MDH2: variants seen among roughly 807,000 people sequenced by gnomAD.
The protein encoded by MDH2 is malate dehydrogenase, mitochondrial.
MDH2 carries 25 observed loss-of-function variants against 33.6 expected under a neutral mutation model. That is an observed-to-expected ratio of 0.74 (90% CI 0.54 to 1.04). MDH2 has a LOEUF of 1.04. MDH2 is among the 50% of genes least tolerant of loss of function. The probability of loss-of-function intolerance (pLI) is 0.00; values close to 1 mark genes in which losing one functional copy is unlikely to be tolerated. For synonymous variants in MDH2, 193 were observed against 188.7 expected, an observed-to-expected ratio of 1.02 and a Z score of -0.19; for missense variants, 432 against 445.0, an observed-to-expected ratio of 0.97 and a Z score of 0.26.
At chr7:76,065,800 T>TG (rs1798079607) in intron 8 of MDH2, among the ~76,000 whole-genome samples, 2 of 152,206 alleles carry the variant, frequency 1.3e-5, no homozygotes, top group Non-Finnish European at 2.9e-5. Context: ...GTCAGACATT[T>TG]ACCTACTTAG....
At chr7:76,059,214 G>T (rs1422426432) in intron 4 of MDH2, among the ~76,000 whole-genome samples, 2 of 152,172 alleles carry the variant, frequency 1.3e-5, no homozygotes, top group Non-Finnish European at 1.5e-5. Flanking sequence ...AGAGTGCTGG[G>T]ATTACAGGCA....
chr7:76,058,297 T>C, intron 4 of MDH2: 4 of 546,292 alleles, frequency 7.3e-6, no homozygotes, highest in South Asian at 7.1e-5. Flanking sequence ...ATGAGGGTTG[T>C]CACAGCCAGC....
At chr7:76,064,052 T>C (rs149517434) in intron 6 of MDH2, among the ~76,000 whole-genome samples, 137 of 151,106 alleles carry the variant, frequency 9.1e-4, no homozygotes, top group African/African-American at 3.2e-3. Context: ...AGTAGGGGAC[T>C]CACCACACTT....
intron 8 of MDH2, among the ~76,000 whole-genome samples, chr7:76,065,884 A>C (rs1554587803): frequency 6.6e-6 from 1 of 152,218 alleles, no homozygotes; most frequent in Non-Finnish European, 1.5e-5. Context: ...AAGAACCCAG[A>C]AACAGGCTCT....
chr7:76,055,919 TTGGGTTCAAGTGATTCTCC>T (rs1293248588), intron 2 of MDH2, among the ~76,000 whole-genome samples: 1 of 151,366 alleles, frequency 6.6e-6, no homozygotes, highest in African/African-American at 2.4e-5. Flanking sequence ...CCTCCCCATC[TTGGGTTCAAGTGATTCTCC>T]TGCCTCAACC....
chr7:76,052,482 A>C (rs1585400008), intron 1 of MDH2, among the ~76,000 whole-genome samples: 1 of 143,304 alleles, frequency 7.0e-6, no homozygotes, highest in African/African-American at 2.6e-5. Context: ...TTCATCCTCC[A>C]CCCTGGTGGG....
At position 76,048,981 on chromosome 7, in the gene MDH2, C is replaced by CGGGGGGT. The variant is rs1327284045; in HGVS notation, c.66+761_66+762insTGGGGGG. 41 of 500,528 alleles carry CGGGGGGT rather than the reference C, an allele frequency of 8.2e-5. No homozygotes were observed. In the African/African-American group the frequency reaches 1.5e-3, roughly 18 times the overall value. The allele number at this position is 500,528 out of a possible 1,614,324, so 31.0% of individuals were successfully genotyped here. A position where few individuals can be genotyped will look rare whatever the true frequency, so the allele number is the denominator to read the frequency against. On this transcript the variant is annotated intron_variant, in intron 1 of 8. Transcript: ENST00000315758. The stretch of plus-strand genomic sequence containing the variant: ...GGTTCATTGAAGAAGCTTAAGACTG[C>CGGGGGGT]GGGGGGGGGGGGGGGGGTCCGCATT...
chr7:76,059,088 T>C lies in MDH2; in HGVS notation c.429+1010T>C, dbSNP rs984854860. 4.6e-5 allele frequency among the ~76,000 whole-genome samples: 7 copies of C among 152,228 alleles called. No homozygotes were observed. The East Asian group carries it at 1.4e-3, about 29-fold the overall frequency. ...CCTCCTGAGTAGCTGGGATTACAGG[T>C]GCATGCCACTATGCCCAGCTAATTT... On this transcript the variant is annotated intron_variant, in intron 4 of 8. Coordinates refer to ENST00000315758, the MANE Select transcript of MDH2 (RefSeq NM_005918.4).
rs1797449562 is a variant in MDH2, at chr7:76,048,869, C to T, written c.66+643C>T. The stretch of plus-strand genomic sequence containing the variant: ...GACCACTTAAGCCTAGGAGCCTAGG[C>T]TATTTTTAGCCATCTTCTAGAATGG... On this transcript the variant is annotated intron_variant, in intron 1 of 8. Transcript: ENST00000315758. 6 of 1,157,334 alleles carry T rather than the reference C, an allele frequency of 5.2e-6. 1 individual carries two copies. Among genetic ancestry groups the T allele is most frequent in the Non-Finnish European group, 3.2e-6 (3 of 942,062 alleles). 71.7% of individuals were successfully genotyped at this position (1,157,334 alleles called of 1,614,324 possible). A position where few individuals can be genotyped will look rare whatever the true frequency, so the allele number is the denominator to read the frequency against.
intron 8 of MDH2, among the ~76,000 whole-genome samples, chr7:76,065,733 A>G (rs1337330156): frequency 6.6e-6 from 1 of 152,212 alleles, no homozygotes; most frequent in Non-Finnish European, 1.5e-5. Context: ...GTTGCCACAC[A>G]AACTGTGCTC....
intron 6 of MDH2, 106 bp downstream of exon 6, chr7:76,063,698 G>A: frequency 9.1e-7 from 1 of 1,093,184 alleles, no homozygotes; most frequent in Non-Finnish European, 1.4e-6. Context: ...CCACGTGCCA[G>A]GTTTTGGAAG....
At chr7:76,050,154 G>A (rs761770359) in intron 1 of MDH2, among the ~76,000 whole-genome samples, 3 of 152,084 alleles carry the variant, frequency 2.0e-5, no homozygotes, top group Non-Finnish European at 4.4e-5. Context: ...TCATCCTCCC[G>A]AGTAGGTGGG....
At position 76,054,935 on chromosome 7, in the gene MDH2, A is replaced by G; in HGVS notation, c.172A>G (p.Ile58Val). The G allele has an allele frequency of 2.5e-6, 4 of 1,614,028 alleles. No individual in the cohort carries two copies. Among genetic ancestry groups the G allele is most frequent in the Non-Finnish European group, 2.5e-6 (3 of 1,180,008 alleles). The part of the protein sequence containing the change: ...PLVSRLTLYD[I>V]AHTPGVAADL... ...GGTGAGCCGCCTGACCCTCTATGAT[A>G]TCGCGCACACACCCGGAGTGGCCGC... is the stretch of plus-strand genomic sequence containing the variant. The change falls in exon 2 of 9, where the codon ATC becomes GTC. Residue 58 changes from isoleucine (I) to valine (V), a missense_variant. Coordinates refer to ENST00000315758, the MANE Select transcript of MDH2 (RefSeq NM_005918.4).
intron 8 of MDH2, among the ~76,000 whole-genome samples, chr7:76,065,835 A>C (rs1798080636): frequency 6.6e-6 from 1 of 152,192 alleles, no homozygotes; most frequent in Non-Finnish European, 1.5e-5. Flanking sequence ...GGTGACTGTG[A>C]CAATGTTTTC....
At chr7:76,065,097 C>A in intron 8 of MDH2, 144 bp downstream of exon 8, 2 of 944,678 alleles carry the variant, frequency 2.1e-6, no homozygotes, top group South Asian at 3.4e-5. Flanking sequence ...GGTGGACGCA[C>A]ACCCGAGAAA....
rs200688825 is a variant in MDH2, at chr7:76,063,536, A to G, written c.577A>G (p.Asn193Asp). Reference protein sequence around the residue: ...ELKGLDPARVNVPVIGGHAGK... With the variant: ...ELKGLDPARVDVPVIGGHAGK... ...CCAGGGTTTGGATCCAGCTCGAGTCAACGTCCCTGTCATTGGTGGCCATGC... is the reference window on the plus strand; with the variant it reads ...CCAGGGTTTGGATCCAGCTCGAGTCGACGTCCCTGTCATTGGTGGCCATGC... The change falls in exon 6 of 9, where the codon AAC becomes GAC. Residue 193 changes from asparagine (N) to aspartate (D), a missense_variant. Physicochemically the swap from Asn to Asp is conservative, Grantham distance 23. Transcript: ENST00000315758. The G allele has an allele frequency of 1.9e-6, 3 of 1,614,244 alleles. No individual in the cohort carries two copies. Among genetic ancestry groups the G allele is most frequent in the East Asian group, 4.5e-5 (2 of 44,890 alleles).
At chr7:76,057,523 T>G in intron 3 of MDH2, 30 bp downstream of exon 3, 6 of 1,589,084 alleles carry the variant, frequency 3.8e-6, no homozygotes, top group Non-Finnish European at 3.5e-6. Flanking sequence ...GTCTGGTACC[T>G]CCCCACGTGA....
At chr7:76,063,480 T>C (rs1554587284) in intron 5 of MDH2, 35 bp from the exon 6 acceptor site, 1 of 1,600,046 alleles carries the variant, frequency 6.2e-7, no homozygotes, top group South Asian at 1.1e-5. Context: ...TGAAAGAGCT[T>C]GTTAACTCAT....
At chr7:76,062,483 C>T (rs1637033) in intron 5 of MDH2, among the ~76,000 whole-genome samples, 2,138 of 152,340 alleles carry the variant, frequency 0.014, 42 homozygotes, top group African/African-American at 0.049. Context: ...TTTTCCCGTG[C>T]GTGAGGCTGA....
Sources: allele counts gnomAD v4.1 joint callset (sites outside exome capture counted in the v4.1 genomes callset), GRCh38; gene constraint gnomAD v4.1.1; transcripts MANE v1.5; gene names NCBI Gene and HGNC (gene_info 2026-07-23, HGNC 2026-07-21).